CCDC18: variants seen among roughly 807,000 people sequenced by gnomAD.
CCDC18 encodes coiled-coil domain-containing protein 18.
Under a neutral mutation model 196.0 loss-of-function variants are expected in CCDC18, and 157 were observed. The observed-to-expected ratio is 0.80, with a 90% CI of 0.70 to 0.91. The LOEUF (loss-of-function observed/expected upper bound fraction) is 0.91, where lower values mean the gene tolerates loss of function less well. Ranked by LOEUF, CCDC18 falls within the 40% of genes least tolerant of loss-of-function variation. CCDC18 has a pLI of 0.00. For missense variants in CCDC18, 1,465 were observed against 1,611.6 expected (o/e 0.91, Z 1.56); for synonymous variants, 482 against 529.2 (o/e 0.91, Z 1.22).
chr1:93,254,145 T>C (rs897875655), intron 23 of CCDC18, among the ~76,000 whole-genome samples: 2 of 152,208 alleles, frequency 1.3e-5, no homozygotes, highest in Non-Finnish European at 2.9e-5. Flanking sequence ...CTTCTACTTT[T>C]ATTTATTTTA....
chr1:93,205,473 A>G, intron 7 of CCDC18, 37 bp from the exon 8 acceptor site: 4 of 1,542,536 alleles, frequency 2.6e-6, no homozygotes, highest in Non-Finnish European at 3.5e-6. Context: ...TAAAACTTAC[A>G]ACCACATTAG....
chr1:93,250,907 T>G (rs1207764223), intron 23 of CCDC18, among the ~76,000 whole-genome samples: 1 of 152,254 alleles, frequency 6.6e-6, no homozygotes, highest in African/African-American at 2.4e-5. Context: ...TTTAATCCAT[T>G]CACCCACTCT....
At chr1:93,192,489 G>A (rs1033658753) in intron 5 of CCDC18, among the ~76,000 whole-genome samples, 2 of 152,224 alleles carry the variant, frequency 1.3e-5, no homozygotes, top group Non-Finnish European at 2.9e-5. Flanking sequence ...CTGGAGTGCA[G>A]TGGTACAGTA....
chr1:93,218,187 G>C (rs935041494), intron 14 of CCDC18, among the ~76,000 whole-genome samples: 4 of 151,998 alleles, frequency 2.6e-5, no homozygotes, highest in African/African-American at 9.7e-5. Context: ...TCTTGACCTT[G>C]GGTTAAAAGT....
chr1:93,190,727 C>A, intron 4 of CCDC18: 8 of 406,110 alleles, frequency 2.0e-5, no homozygotes, highest in East Asian at 4.9e-5. Context: ...CATAATAAAA[C>A]AAAAGATAAC....
chr1:93,180,394 A>G (rs1571296317), upstream of CCDC18: 1 of 1,240,338 alleles, frequency 8.1e-7, no homozygotes, highest in African/African-American at 1.6e-5. Context: ...ACTCCCTCCG[A>G]AAGAGAAGCG....
rs774448163 is a variant in CCDC18 at position 93,180,838 on chromosome 1, G to C, written c.-17G>C. ...TTCCTAACGCAGACTCGAGTGCGAA[G>C]CGCGCAGTCGCCGGGTGGGTCTCTC... On this transcript the variant is annotated 5_prime_UTR_variant, in exon 1 of 29. Coordinates refer to ENST00000690025, the MANE Select transcript of CCDC18 (RefSeq NM_001378204.1). The C allele has an allele frequency of 7.3e-7, 1 of 1,367,600 alleles. No homozygotes were observed. The highest frequency in any genetic ancestry group is 9.8e-7 in the Non-Finnish European group (1 of 1,021,994). 84.7% of individuals were successfully genotyped at this position (1,367,600 alleles called of 1,614,324 possible).
intron 9 of CCDC18, 42 bp downstream of exon 9, chr1:93,207,440 TA>T (rs1386542245): frequency 7.0e-7 from 1 of 1,422,154 alleles, no homozygotes; most frequent in Middle Eastern, 2.0e-4. Context: ...AGAATTTTAC[TA>T]AAGTGTTTTA....
chr1:93,274,596 A>G (rs1328086248), intron 28 of CCDC18, among the ~76,000 whole-genome samples: 2 of 151,866 alleles, frequency 1.3e-5, no homozygotes, highest in Admixed American at 1.3e-4. Flanking sequence ...TTTAATCCCA[A>G]CACTTTGGGA....
intron 6 of CCDC18, among the ~76,000 whole-genome samples, chr1:93,199,106 C>T (rs145330012): frequency 5.8e-4 from 89 of 152,314 alleles, no homozygotes; most frequent in East Asian, 5.6e-3. Flanking sequence ...TGTTGCTTCA[C>T]GAGCCAGAAA....
chr1:93,210,322 C>T (rs1298644630), intron 9 of CCDC18, among the ~76,000 whole-genome samples: 1 of 152,114 alleles, frequency 6.6e-6, no homozygotes, highest in Non-Finnish European at 1.5e-5. Context: ...ATTTGGGACA[C>T]ATATTGTCTT....
At chr1:93,232,710 C>A in intron 18 of CCDC18, 117 bp downstream of exon 18, 1 of 743,334 alleles carries the variant, frequency 1.3e-6, no homozygotes, top group Non-Finnish European at 2.1e-6. Context: ...GTGGCTCGTG[C>A]CCATAATTCC....
chr1:93,252,242 A>G (rs1308017329), intron 23 of CCDC18, among the ~76,000 whole-genome samples: 7 of 152,068 alleles, frequency 4.6e-5, no homozygotes, highest in African/African-American at 7.2e-5. Context: ...GAGTTTCACT[A>G]TGTGACTCAG....
chr1:93,250,899 T>A (rs1447780154), intron 23 of CCDC18, among the ~76,000 whole-genome samples: 1 of 152,208 alleles, frequency 6.6e-6, no homozygotes, highest in Non-Finnish European at 1.5e-5. Context: ...ATTTGTTTTT[T>A]AATCCATTCA....
chr1:93,180,310 C>A, upstream of CCDC18: 1 of 1,493,178 alleles, frequency 6.7e-7, no homozygotes, highest in East Asian at 2.5e-5. Context: ...CGTTTCCTCT[C>A]TGGACTCCTC....
At chr1:93,210,333 AT>A (rs1383710234) in intron 9 of CCDC18, among the ~76,000 whole-genome samples, 5 of 152,170 alleles carry the variant, frequency 3.3e-5, no homozygotes, top group African/African-American at 1.2e-4. Context: ...ATATTGTCTT[AT>A]CAACTCTATG....
At chr1:93,181,197 C>T (rs1649599898) in intron 1 of CCDC18, among the ~76,000 whole-genome samples, 1 of 115,530 alleles carries the variant, frequency 8.7e-6, no homozygotes, top group South Asian at 3.5e-4. Context: ...TCACTTCCGT[C>T]CCCCACCCCC....
chr1:93,247,175 C>G (rs866549769), intron 23 of CCDC18, among the ~76,000 whole-genome samples: 2 of 152,046 alleles, frequency 1.3e-5, no homozygotes, highest in Non-Finnish European at 2.9e-5. Flanking sequence ...ATCCTCCTGC[C>G]TCGGTCTCCC....
At chr1:93,238,539 T>G (rs955767039) in intron 19 of CCDC18, among the ~76,000 whole-genome samples, 1 of 152,144 alleles carries the variant, frequency 6.6e-6, no homozygotes, top group Non-Finnish European at 1.5e-5. Context: ...ATTTAGAAAT[T>G]TCAAAGATCA....
Sources: gnomAD v4.1 joint callset for allele counts (sites outside exome capture counted in the v4.1 genomes callset) on GRCh38, gnomAD v4.1.1 for gene constraint, MANE v1.5 for transcripts, NCBI Gene and HGNC (gene_info 2026-07-23, HGNC 2026-07-21) for gene names.